MYT1L: variants seen among roughly 807,000 people sequenced by gnomAD.
MYT1L encodes the protein myelin transcription factor 1 like.
Under a neutral mutation model 126.7 loss-of-function variants are expected in MYT1L, and 12 were observed. That is an observed-to-expected ratio of 0.09 (90% confidence interval 0.06 to 0.15). MYT1L has a LOEUF of 0.15. MYT1L is among the 10% of genes least tolerant of loss of function. The probability of loss-of-function intolerance (pLI) is 1.00; values close to 1 mark genes in which losing one functional copy is unlikely to be tolerated. For synonymous variants in MYT1L, 541 were observed against 604.2 expected (o/e 0.90, Z 1.53); for missense variants, 979 against 1,585.2 (o/e 0.62, Z 6.49).
intron 8 of MYT1L, among the ~76,000 whole-genome samples, chr2:1,951,812 T>C (rs1349216102): frequency 6.6e-6 from 1 of 152,202 alleles, no homozygotes; most frequent in Non-Finnish European, 1.5e-5. Context: ...CTTTCTCATG[T>C]CTTAAGAACA....
In MYT1L at chr2:1,910,977, T is replaced by C. The variant is rs1366418107; in HGVS notation, c.1710-630A>G. On this transcript the variant is annotated intron_variant, in intron 12 of 24. Coordinates refer to ENST00000647738, the MANE Select transcript of MYT1L (RefSeq NM_001303052.2). The surrounding 1 kb of genome is among the most constrained non-coding windows in gnomAD (Gnocchi z 4.8). ...CTCTTTTGTGTGCAAGCTCACTTTA[T>C]GTGAAATCACCGTGTCTGCTCTGTG... 1.3e-5 allele frequency among the ~76,000 whole-genome samples: 2 copies of C among 152,254 alleles called. No homozygotes were observed. The highest frequency in any genetic ancestry group is 6.5e-5 in the Admixed American group (1 of 15,290).
At chr2:1,964,714 A>G (rs1196696011) in intron 8 of MYT1L, among the ~76,000 whole-genome samples, 1 of 152,220 alleles carries the variant, frequency 6.6e-6, no homozygotes. Context: ...AGAATAATAT[A>G]AATTTCAGGG....
intron 3 of MYT1L, among the ~76,000 whole-genome samples, chr2:2,146,740 G>C (rs1463675178): frequency 6.6e-6 from 1 of 152,130 alleles, no homozygotes; most frequent in Non-Finnish European, 1.5e-5. Flanking sequence ...TTTTCTTGGT[G>C]CAATTTTCGT....
chr2:2,018,698 C>T (rs2064699640), intron 4 of MYT1L, among the ~76,000 whole-genome samples: 1 of 152,222 alleles, frequency 6.6e-6, no homozygotes, highest in African/African-American at 2.4e-5. Flanking sequence ...GGCCTGAACA[C>T]TTGGACTGTG....
At chr2:1,818,724 G>A (rs764002903) in intron 21 of MYT1L, among the ~76,000 whole-genome samples, 13 of 152,140 alleles carry the variant, frequency 8.5e-5, no homozygotes, top group Non-Finnish European at 1.3e-4. Context: ...TTGGAGCCAC[G>A]TGACATTTCT....
At chr2:1,952,926 CCCT>C (rs1219957533) in intron 8 of MYT1L, among the ~76,000 whole-genome samples, 3 of 120,124 alleles carry the variant, frequency 2.5e-5, no homozygotes, top group African/African-American at 1.1e-4. Context: ...TCCTTCCCTT[CCCT>C]CCTTCCTTCC....
At chr2:1,931,164 G>A (rs1300643345) in intron 9 of MYT1L, among the ~76,000 whole-genome samples, 2 of 152,186 alleles carry the variant, frequency 1.3e-5, no homozygotes, top group African/African-American at 4.8e-5. Context: ...CCGGCCTGGG[G>A]GAAATCTCCC....
At chr2:2,296,124 C>T (rs2149496002) in intron 1 of MYT1L, among the ~76,000 whole-genome samples, 1 of 152,202 alleles carries the variant, frequency 6.6e-6, no homozygotes, top group South Asian at 2.1e-4. Flanking sequence ...GCCTATAAAC[C>T]AAGCCAGAGC....
chr2:1,828,265 T>TG (rs1429608510), intron 21 of MYT1L: 35 of 152,186 alleles, frequency 2.3e-4, no homozygotes, highest in East Asian at 3.9e-4. Flanking sequence ...TAGGTGACAC[T>TG]GGGGGGCCTG....
chr2:1,899,934 G>A (rs1181048411), intron 14 of MYT1L, among the ~76,000 whole-genome samples: 1 of 152,182 alleles, frequency 6.6e-6, no homozygotes, highest in Non-Finnish European at 1.5e-5. Context: ...CTGGTGAAGT[G>A]AAGATTTTGT....
chr2:2,297,386 G>T (rs957627958), intron 1 of MYT1L, among the ~76,000 whole-genome samples: 1 of 152,248 alleles, frequency 6.6e-6, no homozygotes, highest in Non-Finnish European at 1.5e-5. Context: ...CTGCACAGGG[G>T]CGTAAGCCAG....
intron 1 of MYT1L, among the ~76,000 whole-genome samples, chr2:2,304,943 G>C (rs1198422215): frequency 6.6e-6 from 1 of 152,200 alleles, no homozygotes; most frequent in African/African-American, 2.4e-5. Flanking sequence ...AGTTTGAGTT[G>C]AGATGTACTT....
intron 3 of MYT1L, among the ~76,000 whole-genome samples, chr2:2,120,184 G>C (rs1227921689): frequency 6.6e-6 from 1 of 152,132 alleles, no homozygotes; most frequent in Non-Finnish European, 1.5e-5. Context: ...AATCAGCTGA[G>C]TTTTCTATGA....
intron 8 of MYT1L, among the ~76,000 whole-genome samples, chr2:1,950,475 G>T (rs554837999): frequency 2.6e-5 from 4 of 152,050 alleles, no homozygotes; most frequent in Non-Finnish European, 5.9e-5. Flanking sequence ...GAGGACAGAG[G>T]AGGCTTCACA....
At chr2:1,920,166 T>C (rs1038303315) in intron 10 of MYT1L, among the ~76,000 whole-genome samples, 1 of 152,172 alleles carries the variant, frequency 6.6e-6, no homozygotes, top group African/African-American at 2.4e-5. Context: ...GCCTTCTGCT[T>C]ACAGGAAAGT....
chr2:1,792,957 T>C (rs1009263609), intron 23 of MYT1L, among the ~76,000 whole-genome samples: 5 of 151,966 alleles, frequency 3.3e-5, no homozygotes, highest in African/African-American at 7.2e-5. Context: ...TTTGGATTCA[T>C]TGCACTTGAC....
chr2:1,902,383 C>T (rs933355022), intron 14 of MYT1L, among the ~76,000 whole-genome samples: 1 of 152,232 alleles, frequency 6.6e-6, no homozygotes, highest in African/African-American at 2.4e-5. Flanking sequence ...GCTCTGCCGG[C>T]AGCACCCCAG....
chr2:1,876,515 G>A (rs182378603), intron 18 of MYT1L, among the ~76,000 whole-genome samples: 67 of 152,036 alleles, frequency 4.4e-4, no homozygotes, highest in East Asian at 7.8e-4. Flanking sequence ...TCCTGAGCCC[G>A]CGCCTACCCC....
At chr2:2,141,473 G>A (rs1316378428) in intron 3 of MYT1L, among the ~76,000 whole-genome samples, 2 of 152,130 alleles carry the variant, frequency 1.3e-5, no homozygotes, top group Non-Finnish European at 2.9e-5. Flanking sequence ...ATTATCCCGT[G>A]AGATAATGAA....
Sources: allele counts gnomAD v4.1 joint callset (sites outside exome capture counted in the v4.1 genomes callset), GRCh38; gene constraint gnomAD v4.1.1; non-coding constraint Gnocchi (gnomAD v3.1); transcripts MANE v1.5; gene names NCBI Gene and HGNC (gene_info 2026-07-23, HGNC 2026-07-21).